Variants in NDUFB4 observed in about 807,000 individuals in gnomAD.
The protein encoded by NDUFB4 is NADH dehydrogenase [ubiquinone] 1 beta subcomplex subunit 4.
In NDUFB4, 10 loss-of-function variants were observed where a neutral mutation model predicts 14.5. The observed-to-expected ratio is 0.69, with a 90% confidence interval of 0.43 to 1.17. The LOEUF is 1.17. Among genes scored for constraint, NDUFB4 ranks in the 50% most tolerant of loss-of-function variants. The pLI is 0.00. For synonymous variants in NDUFB4, 65 were observed against 63.4 expected (o/e 1.03, Z -0.12); for missense variants, 165 against 161.1 (o/e 1.02, Z -0.13).
intron 2 of NDUFB4, chr3:120,601,507 T>C: frequency 7.4e-7 from 1 of 1,354,342 alleles, no homozygotes; most frequent in East Asian, 2.9e-5. Context: ...TTGGGTTAAG[T>C]ATTAGCAGAA....
intron 2 of NDUFB4, 31 bp downstream of exon 2, chr3:120,601,288 G>C (rs1559774000): frequency 1.2e-6 from 2 of 1,611,482 alleles, no homozygotes; most frequent in Non-Finnish European, 1.7e-6. Flanking sequence ...TTTAGTATTT[G>C]AGTGATAGGT....
Position 120,602,360 on chromosome 3 carries a change from A to C in NDUFB4, c.*90A>C. The C allele has an allele frequency of 1.6e-6, 2 of 1,263,810 alleles. No homozygotes were observed. Among genetic ancestry groups the C allele is most frequent in the South Asian group, 1.4e-5 (1 of 71,212 alleles). 78.3% of individuals were successfully genotyped at this position (1,263,810 alleles called of 1,614,324 possible). A position where few individuals can be genotyped will look rare whatever the true frequency, so the allele number is the denominator to read the frequency against. On this transcript the variant is annotated 3_prime_UTR_variant, in exon 3 of 3. Coordinates refer to ENST00000184266, the MANE Select transcript of NDUFB4 (RefSeq NM_004547.6). ...GTTTCTCTTTCTTAGTATTACCTTG[A>C]TTCAATGTTAAAAACTATTAACACC...
At chr3:120,599,304 G>A (rs1482220895) in intron 1 of NDUFB4, among the ~76,000 whole-genome samples, 1 of 152,124 alleles carries the variant, frequency 6.6e-6, no homozygotes, top group Non-Finnish European at 1.5e-5. Context: ...TGGATATTAA[G>A]TCTGGAGAGT....
intron 2 of NDUFB4, chr3:120,601,921 T>G: frequency 8.8e-7 from 1 of 1,141,714 alleles, no homozygotes; most frequent in Non-Finnish European, 1.1e-6. Flanking sequence ...TATGGTTTTA[T>G]GGGATAATAT....
intron 1 of NDUFB4, among the ~76,000 whole-genome samples, chr3:120,598,563 A>C (rs1940006033): frequency 6.6e-6 from 1 of 152,162 alleles, no homozygotes; most frequent in Non-Finnish European, 1.5e-5. Context: ...GATGAGAAAA[A>C]AAATAAAGCA....
chr3:120,602,067 T>C (rs1387581267), intron 2 of NDUFB4, 141 bp from the exon 3 acceptor site: 3 of 1,464,342 alleles, frequency 2.0e-6, no homozygotes, highest in East Asian at 5.1e-5. Flanking sequence ...AGGTTTGGAG[T>C]GTTTCATTCT....
In NDUFB4 at chr3:120,602,361, T is replaced by C. The variant is rs1940079479; in HGVS notation, c.*91T>C. 4 of 1,265,752 alleles carry C rather than the reference T, an allele frequency of 3.2e-6. No individual in the cohort carries two copies. The highest frequency in any genetic ancestry group is 4.4e-6 in the Non-Finnish European group (4 of 901,782). 78.4% of individuals were successfully genotyped at this position (1,265,752 alleles called of 1,614,324 possible). On this transcript the variant is annotated 3_prime_UTR_variant, in exon 3 of 3. Coordinates refer to ENST00000184266, the MANE Select transcript of NDUFB4 (RefSeq NM_004547.6). ...TTTCTCTTTCTTAGTATTACCTTGATTCAATGTTAAAAACTATTAACACCC... is the reference window on the plus strand; with the variant it reads ...TTTCTCTTTCTTAGTATTACCTTGACTCAATGTTAAAAACTATTAACACCC...
chr3:120,598,815 A>C (rs191111874), intron 1 of NDUFB4, among the ~76,000 whole-genome samples: 43 of 152,242 alleles, frequency 2.8e-4, no homozygotes, highest in Non-Finnish European at 4.7e-4. Context: ...AAAGTGGAGA[A>C]AGGTGAGGGC....
In NDUFB4 at chr3:120,602,447, A is replaced by G. The variant is rs866262890; in HGVS notation, c.*177A>G. On this transcript the variant is annotated 3_prime_UTR_variant, in exon 3 of 3. Transcript: ENST00000184266. ...ATCTGCTGTCAGAGTGACAGCAAAC[A>G]TTTGCTGTACATTGAATGAATGAAC... 9 of 579,720 alleles carry G rather than the reference A, an allele frequency of 1.6e-5. No individual in the cohort carries two copies. Among genetic ancestry groups the G allele is most frequent in the Middle Eastern group, 4.7e-4 (1 of 2,150 alleles). 35.9% of individuals were successfully genotyped at this position (579,720 alleles called of 1,614,324 possible).
At chr3:120,601,402 C>T in intron 2 of NDUFB4, 145 bp downstream of exon 2, 1 of 1,484,296 alleles carries the variant, frequency 6.7e-7, no homozygotes, top group Non-Finnish European at 8.9e-7. Context: ...CTTCTTTTAT[C>T]TTTATTCCTT....
At chr3:120,597,021 A>AG (rs200169831) in intron 1 of NDUFB4, among the ~76,000 whole-genome samples, 1,610 of 141,196 alleles carry the variant, frequency 0.011, 11 homozygotes, top group Middle Eastern at 0.019. Flanking sequence ...ATGCATATAT[A>AG]TTTTATATAT....
chr3:120,598,182 A>G (rs1332816778), intron 1 of NDUFB4, among the ~76,000 whole-genome samples: 1 of 151,706 alleles, frequency 6.6e-6, no homozygotes, highest in Non-Finnish European at 1.5e-5. Context: ...CCTTCCAAGT[A>G]GCTGGGACCA....
At chr3:120,596,654 TC>T in intron 1 of NDUFB4, 115 bp downstream of exon 1, 1 of 1,209,466 alleles carries the variant, frequency 8.3e-7, no homozygotes, top group Non-Finnish European at 1.2e-6. Context: ...CAGGTCCTCT[TC>T]CAGGCCTAGC....
In NDUFB4 at chr3:120,601,199, G is replaced by A; in HGVS notation, c.269G>A (p.Gly90Glu). 1 of 1,614,018 alleles carries A rather than the reference G, an allele frequency of 6.2e-7. No individual in the cohort carries two copies. Among genetic ancestry groups the A allele is most frequent in the Non-Finnish European group, 8.5e-7 (1 of 1,179,934 alleles). The change falls in exon 2 of 3, where the codon GGA (glycine) becomes GAA (glutamate). Residue 90 changes from glycine to glutamate, a missense_variant. By Grantham distance (98) the Gly-to-Glu change is moderately conservative. Coordinates refer to ENST00000184266, the MANE Select transcript of NDUFB4 (RefSeq NM_004547.6). ...FRPTPKNSLM[G>E]ALCGFGPLIF... ...CCCACTCCTAAAAACTCACTCATGG[G>A]AGCTCTGTGTGGATTTGGGCCCCTC...
chr3:120,599,391 C>A (rs1352076130), intron 1 of NDUFB4, among the ~76,000 whole-genome samples: 1 of 151,972 alleles, frequency 6.6e-6, no homozygotes, highest in African/African-American at 2.4e-5. Flanking sequence ...CAGATGACAT[C>A]ATCAAGGGAG....
Position 120,596,636 on chromosome 3 carries a change from C to A in NDUFB4, c.180+97C>A. The A allele has an allele frequency of 3.0e-6, 4 of 1,354,312 alleles. No individual in the cohort carries two copies. In the South Asian group the frequency reaches 5.1e-5, roughly 17 times the overall value. The allele number at this position is 1,354,312 out of a possible 1,614,324, so 83.9% of individuals were successfully genotyped here. On this transcript the variant is annotated intron_variant, in intron 1 of 2. Coordinates refer to ENST00000184266, the MANE Select transcript of NDUFB4 (RefSeq NM_004547.6). ...GTCGGCCACCGCTCCCGATCAGTAT[C>A]TCAGACGCAGGTCCTCTTCCAGGCC...
chr3:120,601,652 C>T (rs1229649002), intron 2 of NDUFB4: 6 of 1,038,800 alleles, frequency 5.8e-6, no homozygotes, highest in South Asian at 3.7e-5. Flanking sequence ...GAATAGCTGC[C>T]GTCAGCAGCC....
At position 120,596,546 on chromosome 3, in the gene NDUFB4, G is replaced by A; in HGVS notation, c.180+7G>A. The A allele has an allele frequency of 1.9e-6, 3 of 1,613,032 alleles. No individual in the cohort carries two copies. The highest frequency in any genetic ancestry group is 2.2e-5 in the South Asian group (2 of 90,814). ...CAACCGCCGAGGGCTCATCGTGAGT[G>A]TGGGGCCTCCCAGGCGGGAATAGGG... On this transcript the variant is annotated splice_region_variant and intron_variant, in intron 1 of 2. Transcript: ENST00000184266.
At chr3:120,597,949 G>A (rs1939993866) in intron 1 of NDUFB4, among the ~76,000 whole-genome samples, 1 of 152,092 alleles carries the variant, frequency 6.6e-6, no homozygotes, top group Non-Finnish European at 1.5e-5. Flanking sequence ...ATTTTCTCAT[G>A]TGTAAATAGA....
Sources: gnomAD v4.1 joint callset for allele counts (sites outside exome capture counted in the v4.1 genomes callset) on GRCh38, gnomAD v4.1.1 for gene constraint, MANE v1.5 for transcripts, NCBI Gene and HGNC (gene_info 2026-07-23, HGNC 2026-07-21) for gene names.